The following FOCAD variants were observed in gnomAD, a reference collection of about 807,000 sequenced individuals.
FOCAD encodes the protein KIAA1797.
Under a neutral mutation model 225.6 loss-of-function variants are expected in FOCAD, and 198 were observed. The observed-to-expected ratio is 0.88, with a 90% CI of 0.78 to 0.99. FOCAD has a LOEUF of 0.99. Ranked by LOEUF, FOCAD falls within the 50% of genes least tolerant of loss-of-function variation. FOCAD has a pLI of 0.00. For missense variants in FOCAD, 2,713 were observed against 2,123.6 expected, an observed-to-expected ratio of 1.28 and a Z score of -5.46; for synonymous variants, 897 against 755.0, an observed-to-expected ratio of 1.19 and a Z score of -3.08.
intron 2 of FOCAD, among the ~76,000 whole-genome samples, chr9:20,665,292 A>G (rs1420018933): frequency 6.6e-6 from 1 of 152,082 alleles, no homozygotes; most frequent in East Asian, 1.9e-4. Context: ...AAATATAAAT[A>G]CCTTCTAATT....
chr9:20,660,984 C>T (rs973470817), intron 2 of FOCAD, among the ~76,000 whole-genome samples: 27 of 151,888 alleles, frequency 1.8e-4, no homozygotes, highest in Admixed American at 5.3e-4. Context: ...TCATAGACCA[C>T]GGGAAAGGAG....
chr9:20,745,559 A>G (rs902334724), intron 5 of FOCAD, among the ~76,000 whole-genome samples: 2 of 152,060 alleles, frequency 1.3e-5, no homozygotes, highest in Non-Finnish European at 2.9e-5. Context: ...AAATTTTATC[A>G]TGTGCTTTTG....
At chr9:20,823,227 C>G in intron 15 of FOCAD, 112 bp downstream of exon 15, 1 of 1,215,794 alleles carries the variant, frequency 8.2e-7, no homozygotes, top group Non-Finnish European at 1.1e-6. Flanking sequence ...GTGTTCATTC[C>G]CAGTGAATTT....
At chr9:20,765,589 TAGTAAATGAGTTAGGACAAG>T (rs2130957425) in intron 7 of FOCAD, among the ~76,000 whole-genome samples, 1 of 152,310 alleles carries the variant, frequency 6.6e-6, no homozygotes, top group South Asian at 2.1e-4. Flanking sequence ...AGCACACATG[TAGTAAATGAGTTAGGACAAG>T]TACTGTACAT....
chr9:20,896,391 A>T (rs929683040), intron 21 of FOCAD, among the ~76,000 whole-genome samples: 1 of 151,910 alleles, frequency 6.6e-6, no homozygotes, highest in Admixed American at 6.6e-5. Context: ...GTTAGGAAGT[A>T]TTCTCTCTGC....
At chr9:20,901,534 T>G (rs1348536776) in intron 21 of FOCAD, among the ~76,000 whole-genome samples, 1 of 151,764 alleles carries the variant, frequency 6.6e-6, no homozygotes, top group African/African-American at 2.4e-5. Context: ...AATAAGCATA[T>G]TTGTTAAGAT....
intron 35 of FOCAD, among the ~76,000 whole-genome samples, chr9:20,962,172 A>T (rs538295678): frequency 6.6e-6 from 1 of 152,070 alleles, no homozygotes; most frequent in African/African-American, 2.4e-5. Context: ...ATTAAGTTAG[A>T]TTACTTATGT....
chr9:20,771,063 C>A (rs1818172168), intron 8 of FOCAD, among the ~76,000 whole-genome samples: 1 of 152,056 alleles, frequency 6.6e-6, no homozygotes, highest in Non-Finnish European at 1.5e-5. Context: ...GGAGGTAGGG[C>A]ATGAGTTGAG....
intron 18 of FOCAD, chr9:20,874,105 T>A (rs1370503038): frequency 6.6e-6 from 1 of 152,134 alleles, no homozygotes; most frequent in African/African-American, 2.4e-5. Flanking sequence ...TTAGACACAA[T>A]AATGTACAGC....
At chr9:20,700,460 A>G (rs1200337249) in intron 1 of FOCAD, among the ~76,000 whole-genome samples, 4 of 151,168 alleles carry the variant, frequency 2.6e-5, no homozygotes, top group South Asian at 2.1e-4. Context: ...ACTGGTGTAG[A>G]TTCTGCTGAT....
chr9:20,913,930 T>C (rs1032315195), intron 23 of FOCAD, among the ~76,000 whole-genome samples: 10 of 152,142 alleles, frequency 6.6e-5, no homozygotes, highest in African/African-American at 2.4e-4. Context: ...ATGGGCTGTG[T>C]ATATATGAGT....
chr9:20,758,191 G>C lies in FOCAD; in HGVS notation c.494G>C (p.Arg165Thr), dbSNP rs770297844. ...LTAFFQQCPE[R>T]LEVSCIQIMA... The stretch of plus-strand genomic sequence containing the variant: ...GCGTTTTTCCAGCAGTGCCCTGAAA[G>C]GTAATGTAAAATAAAAGTGTAAAAT... Residue 165 changes from arginine to threonine, a missense_variant and splice_region_variant, in exon 6 of 44, where the codon AGG becomes ACG. Coordinates refer to ENST00000338382, the MANE Select transcript of FOCAD (RefSeq NM_001375567.1). 1.6e-5 allele frequency: 26 copies of C among 1,607,246 alleles called. 2 individuals carry two copies. The Middle Eastern group carries it at 5.0e-4, about 31-fold the overall frequency.
intron 5 of FOCAD, among the ~76,000 whole-genome samples, chr9:20,754,467 C>T (rs1828859555): frequency 6.6e-6 from 1 of 151,928 alleles, no homozygotes; most frequent in African/African-American, 2.4e-5. Flanking sequence ...AACTATATTT[C>T]CATAAGAAAA....
At chr9:20,675,230 A>G (rs921585187) in intron 2 of FOCAD, among the ~76,000 whole-genome samples, 4 of 152,204 alleles carry the variant, frequency 2.6e-5, no homozygotes, top group Non-Finnish European at 4.4e-5. Flanking sequence ...GGGGTAGGCA[A>G]ACTATAGTCT....
intron 11 of FOCAD, among the ~76,000 whole-genome samples, chr9:20,818,334 ACTTT>A (rs954123720): frequency 6.6e-6 from 1 of 151,728 alleles, no homozygotes; most frequent in Non-Finnish European, 1.5e-5. Flanking sequence ...TTGTCCTTTC[ACTTT>A]CTTTATGGTA....
chr9:20,796,036 T>G (rs879771798), intron 11 of FOCAD, among the ~76,000 whole-genome samples: 3 of 145,324 alleles, frequency 2.1e-5, no homozygotes, highest in Non-Finnish European at 4.5e-5. Context: ...CATTGTTCAA[T>G]TCCCACCTAT....
chr9:20,737,704 A>C (rs1827261596), intron 4 of FOCAD, among the ~76,000 whole-genome samples: 1 of 152,204 alleles, frequency 6.6e-6, no homozygotes. Flanking sequence ...TGGCTCACCC[A>C]ATTAGTGATG....
intron 5 of FOCAD, among the ~76,000 whole-genome samples, chr9:20,754,725 C>G (rs1420450495): frequency 6.6e-6 from 1 of 152,044 alleles, no homozygotes; most frequent in Admixed American, 6.6e-5. Context: ...AGAAATCCTA[C>G]TTGTATCTAG....
chr9:20,689,855 C>T (rs1404525136), intron 1 of FOCAD, among the ~76,000 whole-genome samples: 2 of 152,150 alleles, frequency 1.3e-5, no homozygotes, highest in Non-Finnish European at 2.9e-5. Flanking sequence ...GGACAGTTGG[C>T]ATAGTACTGT....
Sources: gnomAD v4.1 joint callset for allele counts (sites outside exome capture counted in the v4.1 genomes callset) on GRCh38, gnomAD v4.1.1 for gene constraint, MANE v1.5 for transcripts, NCBI Gene and HGNC (gene_info 2026-07-23, HGNC 2026-07-21) for gene names.